Variants in MVB12B observed in about 807,000 individuals in gnomAD.
MVB12B encodes the protein multivesicular body subunit 12B, also known as ESCRT-I complex subunit MVB12B.
Under a neutral mutation model 41.6 loss-of-function variants are expected in MVB12B, and 16 were observed. The observed-to-expected ratio is 0.38, with a 90% CI of 0.26 to 0.58. The LOEUF (loss-of-function observed/expected upper bound fraction) is 0.58. MVB12B is among the 20% of genes least tolerant of loss of function. The probability of loss-of-function intolerance (pLI) is 0.62; values close to 1 mark genes in which losing one functional copy is unlikely to be tolerated. For synonymous variants in MVB12B, 133 were observed against 139.7 expected, an observed-to-expected ratio of 0.95 and a Z score of 0.34; for missense variants, 274 against 380.2, an observed-to-expected ratio of 0.72 and a Z score of 2.32.
intron 7 of MVB12B, among the ~76,000 whole-genome samples, chr9:126,453,057 A>G (rs923271087): frequency 8.6e-5 from 13 of 151,928 alleles, no homozygotes; most frequent in Admixed American, 7.9e-4. Context: ...TCAGTCTTCT[A>G]TCAAGAGGGG....
chr9:126,367,382 AGTG>A lies in MVB12B; in HGVS notation c.205-13679_205-13677del, dbSNP rs1484217696. Among the ~76,000 whole-genome samples the A allele has an allele frequency of 6.6e-6, 1 of 152,054 alleles. No individual in the cohort carries two copies. The highest frequency in any genetic ancestry group is 2.4e-5 in the African/African-American group (1 of 41,390). On this transcript the variant is annotated intron_variant, in intron 2 of 9. Coordinates refer to ENST00000361171, the MANE Select transcript of MVB12B (RefSeq NM_033446.3). The surrounding 1 kb of genome is among the most constrained non-coding windows in gnomAD (Gnocchi z 4.3). ...CTCTCTCTCTCTCATCCGCGTGGCC[AGTG>A]GTCCAGCCAACCCCACGCTTCCCAC...
At chr9:126,444,100 C>T (rs1045775475) in intron 7 of MVB12B, among the ~76,000 whole-genome samples, 6 of 152,122 alleles carry the variant, frequency 3.9e-5, no homozygotes, top group African/African-American at 1.4e-4. Flanking sequence ...GTCAGGTGGT[C>T]GTCAGGCTGG....
intron 7 of MVB12B, among the ~76,000 whole-genome samples, chr9:126,463,454 A>AT (rs1335975796): frequency 6.6e-6 from 1 of 152,220 alleles, no homozygotes; most frequent in African/African-American, 2.4e-5. Flanking sequence ...AAGTTTTATT[A>AT]TGAAGAGATG....
At position 126,389,938 on chromosome 9, in the gene MVB12B, A is replaced by C. The variant is rs1319529910; in HGVS notation, c.410-2128A>C. Among the ~76,000 whole-genome samples, 1 of 152,076 alleles carries C rather than the reference A, an allele frequency of 6.6e-6. No homozygotes were observed. Among genetic ancestry groups the C allele is most frequent in the Non-Finnish European group, 1.5e-5 (1 of 68,014 alleles). The stretch of plus-strand genomic sequence containing the variant: ...CTCAGTTTCTGTGCCTGAGGAACCC[A>C]CAGTTATCTGACTCTTTAAAAAACA... On this transcript the variant is annotated intron_variant, in intron 4 of 9. Transcript: ENST00000361171. The surrounding 1 kb of genome is among the most constrained non-coding windows in gnomAD (Gnocchi z 4.4).
At chr9:126,491,030 GTTAA>G (rs1395182955) in intron 9 of MVB12B, among the ~76,000 whole-genome samples, 3 of 152,164 alleles carry the variant, frequency 2.0e-5, no homozygotes, top group Non-Finnish European at 4.4e-5. Context: ...CTTTTTAAGT[GTTAA>G]TTAGTAAACA....
chr9:126,373,781 C>T (rs1830406405), intron 2 of MVB12B, among the ~76,000 whole-genome samples: 1 of 152,134 alleles, frequency 6.6e-6, no homozygotes, highest in Admixed American at 6.5e-5. Flanking sequence ...TTATTTTTCA[C>T]CCCATCAAAT....
intron 7 of MVB12B, among the ~76,000 whole-genome samples, chr9:126,476,897 A>G (rs904559344): frequency 2.0e-5 from 3 of 151,564 alleles, no homozygotes; most frequent in South Asian, 4.2e-4. Context: ...AAAAAAAAAA[A>G]TGTAAATCTA....
chr9:126,373,428 C>G (rs1412470531), intron 2 of MVB12B, among the ~76,000 whole-genome samples: 1 of 152,258 alleles, frequency 6.6e-6, no homozygotes, highest in Non-Finnish European at 1.5e-5. Flanking sequence ...TGCTGATGAT[C>G]TAACATACCC....
At chr9:126,379,018 C>T (rs923956233) in intron 2 of MVB12B, among the ~76,000 whole-genome samples, 5 of 152,168 alleles carry the variant, frequency 3.3e-5, no homozygotes, top group East Asian at 1.9e-4. Context: ...CCCTTCTAGA[C>T]GCCCTTGTCT....
intron 6 of MVB12B, among the ~76,000 whole-genome samples, chr9:126,409,299 CTGTGTGTGTGTGTGTGTGTGTGTGTGTG>C (rs61211126): frequency 7.2e-6 from 1 of 138,028 alleles, no homozygotes; most frequent in African/African-American, 2.8e-5. Context: ...GTGAGTAACT[CTGTGTGTGTGTGTGTGTGTGTGTGTGTG>C]TGTGTGTGTG....
In MVB12B at chr9:126,503,228, A is replaced by G. The variant is rs1334819047; in HGVS notation, c.925A>G (p.Ser309Gly). The G allele has an allele frequency of 6.4e-7, 1 of 1,550,522 alleles. No homozygotes were observed. The highest frequency in any genetic ancestry group is 1.2e-5 in the South Asian group (1 of 84,076). Reference sequence around the variant, plus strand: ...GAGCGCAGCCGCCAGGCTCCCGCCCAGCCCCACCAGGTGTCAGCAGATCCC... The same window carrying G: ...GAGCGCAGCCGCCAGGCTCCCGCCCGGCCCCACCAGGTGTCAGCAGATCCC... The part of the protein sequence containing the change: ...EQSAAARLPP[S>G]PTRCQQIPQS Residue 309 changes from serine (S) to glycine (G), a missense_variant, in exon 10 of 10, where the codon AGC becomes GGC. Coordinates refer to ENST00000361171, the MANE Select transcript of MVB12B (RefSeq NM_033446.3).
At chr9:126,400,716 G>A (rs1189353296) in intron 6 of MVB12B, among the ~76,000 whole-genome samples, 3 of 152,180 alleles carry the variant, frequency 2.0e-5, no homozygotes, top group African/African-American at 7.2e-5. Flanking sequence ...CCACTCACCA[G>A]TGCCGAGGTC....
chr9:126,354,873 G>T (rs1829840086), intron 2 of MVB12B, among the ~76,000 whole-genome samples: 1 of 152,182 alleles, frequency 6.6e-6, no homozygotes, highest in Non-Finnish European at 1.5e-5. Flanking sequence ...AAAAAAGCCT[G>T]ACTACCTCAG....
rs189669942 is a variant in MVB12B at position 126,368,335 on chromosome 9, C to T, written c.205-12729C>T. 5.2e-3 allele frequency among the ~76,000 whole-genome samples: 790 copies of T among 152,262 alleles called. 12 individuals are homozygous for T. Among genetic ancestry groups the T allele is most frequent in the Non-Finnish European group, 7.9e-3 (534 of 68,008 alleles). On this transcript the variant is annotated intron_variant, in intron 2 of 9. Coordinates refer to ENST00000361171, the MANE Select transcript of MVB12B (RefSeq NM_033446.3). ...TTAAACTCTGTATGCTGCTGGCCTG[C>T]GAGGCTGGTATTGGGTGATGTGGAG...
intron 7 of MVB12B, among the ~76,000 whole-genome samples, 161 bp downstream of exon 7, chr9:126,422,109 TTGTGTC>T (rs1832039170): frequency 6.6e-6 from 1 of 152,130 alleles, no homozygotes; most frequent in Non-Finnish European, 1.5e-5. Flanking sequence ...TCCCTTTCCT[TTGTGTC>T]GCCACAGCAC....
rs1231961403 is a variant in MVB12B at position 126,391,726 on chromosome 9, G to A, written c.410-340G>A. The stretch of plus-strand genomic sequence containing the variant: ...TGTAATAAAAAGAAAAGAAGTCCGT[G>A]TGGTGAAATGTGTTAATGCTCAGGG... On this transcript the variant is annotated intron_variant, in intron 4 of 9. Coordinates refer to ENST00000361171, the MANE Select transcript of MVB12B (RefSeq NM_033446.3). This position sits in a 1 kb window ranked among gnomAD's most constrained non-coding sequence, Gnocchi z 4.4. 6.6e-6 allele frequency among the ~76,000 whole-genome samples: 1 copy of A among 152,234 alleles called. No homozygotes were observed. The highest frequency in any genetic ancestry group is 1.5e-5 in the Non-Finnish European group (1 of 68,040).
At chr9:126,424,102 A>AT (rs1437853825) in intron 7 of MVB12B, among the ~76,000 whole-genome samples, 2 of 152,242 alleles carry the variant, frequency 1.3e-5, no homozygotes, top group Non-Finnish European at 2.9e-5. Context: ...TCCTGAAGAC[A>AT]TTCGATTACT....
At chr9:126,357,496 A>C (rs926297745) in intron 2 of MVB12B, among the ~76,000 whole-genome samples, 1 of 152,162 alleles carries the variant, frequency 6.6e-6, no homozygotes, top group East Asian at 1.9e-4. Flanking sequence ...GTTCTTCCAC[A>C]TCCTTGCCAA....
chr9:126,481,219 C>CT (rs2119205481), intron 7 of MVB12B, 150 bp from the exon 8 acceptor site: 1 of 724,916 alleles, frequency 1.4e-6, no homozygotes, highest in African/African-American at 1.8e-5. Flanking sequence ...GACCTGTCCT[C>CT]TTTCATAGCT....
Sources: gnomAD v4.1 joint callset for allele counts (sites outside exome capture counted in the v4.1 genomes callset) on GRCh38, gnomAD v4.1.1 for gene constraint, Gnocchi (gnomAD v3.1) non-coding constraint, MANE v1.5 for transcripts, NCBI Gene and HGNC (gene_info 2026-07-23, HGNC 2026-07-21) for gene names.